ADAM19: variants seen among roughly 807,000 people sequenced by gnomAD.
ADAM19 encodes disintegrin and metalloproteinase domain-containing protein 19.
A neutral mutation model predicts 114.7 loss-of-function variants in ADAM19; 65 were observed. That is an observed-to-expected ratio of 0.57 (90% CI 0.46 to 0.70). The LOEUF (loss-of-function observed/expected upper bound fraction) is 0.70, where lower values mean the gene tolerates loss of function less well. Ranked by LOEUF, ADAM19 falls within the 30% of genes least tolerant of loss-of-function variation. ADAM19 has a pLI of 0.00. For missense variants in ADAM19, 1,063 were observed against 1,204.7 expected (o/e 0.88, Z 1.74); for synonymous variants, 466 against 460.5 (o/e 1.01, Z -0.15).
chr5:157,525,131 G>T (rs1248442808), intron 5 of ADAM19, among the ~76,000 whole-genome samples: 1 of 152,188 alleles, frequency 6.6e-6, no homozygotes, highest in Admixed American at 6.5e-5. Context: ...GCTTGGCAGG[G>T]TTTAAACCAG....
Position 157,488,363 on chromosome 5 carries a change from A to G in ADAM19, c.2452T>C (p.Ser818Pro). 1.9e-6 allele frequency: 3 copies of G among 1,614,150 alleles called. No individual in the cohort carries two copies. Among genetic ancestry groups the G allele is most frequent in the Non-Finnish European group, 1.7e-6 (2 of 1,180,008 alleles). Residue 818 changes from serine to proline, a missense_variant, in exon 21 of 23, where the codon TCC becomes CCC. Physicochemically the swap from Ser to Pro is moderately conservative, Grantham distance 74. Coordinates refer to ENST00000257527, the MANE Select transcript of ADAM19 (RefSeq NM_033274.5). Reference protein sequence around the residue: ...PAHLSRAARNSPGPGSQIERT... With the variant: ...PAHLSRAARNPPGPGSQIERT... ...TCTATTTGAGACCCGGGCCCTGGGG[A>G]GTTCCTAGCAGCCCTGCTCAGGTGA...
intron 12 of ADAM19, among the ~76,000 whole-genome samples, chr5:157,502,208 G>C (rs936791914): frequency 2.6e-5 from 4 of 152,274 alleles, no homozygotes; most frequent in Middle Eastern, 3.4e-3. Context: ...ATCCAGTTCT[G>C]CTTTCTGCAG....
rs374925196 is a variant in ADAM19 at position 157,488,331 on chromosome 5, C to T, written c.2484G>A (p.Thr828=). 2.9e-5 allele frequency: 47 copies of T among 1,614,056 alleles called. No homozygotes were observed. The highest frequency in any genetic ancestry group is 1.3e-4 in the Admixed American group (8 of 60,000). The part of the protein sequence containing the change: ...SPGPGSQIER[T]ESSRRPPPSR... ...TTGGAGGAGGCCTCCTGGACGACTC[C>T]GTCCTCTCTATTTGAGACCCGGGCC... The change falls in exon 21 of 23, where the codon ACG becomes ACA. Residue 828 remains threonine (T), a synonymous_variant. Transcript: ENST00000257527.
chr5:157,488,952 C>A (rs1042318089), intron 20 of ADAM19, 150 bp downstream of exon 20: 176 of 621,132 alleles, frequency 2.8e-4, no homozygotes, highest in Non-Finnish European at 1.6e-4. Context: ...ATGGCGTGAA[C>A]CCTGGAGGCG....
chr5:157,506,643 T>C (rs1450669452), intron 10 of ADAM19, among the ~76,000 whole-genome samples: 5 of 152,162 alleles, frequency 3.3e-5, no homozygotes, highest in African/African-American at 1.2e-4. Flanking sequence ...GAAGTCAGAG[T>C]GAATTTCAAA....
At chr5:157,481,535 C>G (rs902558068) in intron 22 of ADAM19, 4 of 1,369,146 alleles carry the variant, frequency 2.9e-6, no homozygotes, top group Non-Finnish European at 3.9e-6. Flanking sequence ...TGCTCAGGGT[C>G]CCTCCCCAGG....
chr5:157,541,681 G>C (rs1225036737), intron 3 of ADAM19, among the ~76,000 whole-genome samples: 2 of 151,578 alleles, frequency 1.3e-5, no homozygotes, highest in African/African-American at 4.8e-5. Flanking sequence ...ACTGCAGCCT[G>C]AAAACAGCTC....
chr5:157,510,350 T>C (rs891782864), intron 8 of ADAM19, among the ~76,000 whole-genome samples: 1 of 152,186 alleles, frequency 6.6e-6, no homozygotes, highest in African/African-American at 2.4e-5. Flanking sequence ...GGCGCATGCC[T>C]GTAATCCCAG....
intron 3 of ADAM19, among the ~76,000 whole-genome samples, chr5:157,545,916 C>T (rs552077944): frequency 1.2e-4 from 19 of 152,340 alleles, no homozygotes; most frequent in African/African-American, 4.1e-4. Flanking sequence ...AGCTTGATTT[C>T]GTCACTATTT....
rs149873195 is a variant in ADAM19 at position 157,509,435 on chromosome 5, G to C, written c.771C>G (p.Leu257=). The change falls in exon 9 of 23, where the codon CTC becomes CTG. Residue 257 remains leucine (L), a synonymous_variant. Coordinates refer to ENST00000257527, the MANE Select transcript of ADAM19 (RefSeq NM_033274.5). ...CGTGGGTCCACACTTCCAAGCCCAC[G>C]AGAGCAATCCGGATGTTCAAGGATC... ...FYRSLNIRIA[L]VGLEVWTHGN... 3 of 1,609,118 alleles carry C rather than the reference G, an allele frequency of 1.9e-6. No individual in the cohort carries two copies. In the African/African-American group the frequency reaches 4.0e-5, roughly 22 times the overall value.
intron 13 of ADAM19, among the ~76,000 whole-genome samples, chr5:157,497,459 C>A (rs1487870685): frequency 6.6e-6 from 1 of 152,118 alleles, no homozygotes; most frequent in Non-Finnish European, 1.5e-5. Flanking sequence ...TCATGACAGT[C>A]CTGTGTGATA....
At chr5:157,507,759 C>T (rs1161620381) in intron 9 of ADAM19, among the ~76,000 whole-genome samples, 1 of 152,192 alleles carries the variant, frequency 6.6e-6, no homozygotes, top group African/African-American at 2.4e-5. Context: ...GGATCCTAAT[C>T]TGCCAGCAGC....
At chr5:157,521,426 T>G (rs1756283854) in intron 5 of ADAM19, among the ~76,000 whole-genome samples, 1 of 152,152 alleles carries the variant, frequency 6.6e-6, no homozygotes, top group South Asian at 2.1e-4. Flanking sequence ...CACTGTAAAT[T>G]GGCAGGACCT....
In ADAM19 at chr5:157,478,942, T is replaced by A. The variant is rs1754671255; in HGVS notation, c.*2007A>T. The stretch of plus-strand genomic sequence containing the variant: ...AAAGGCTGGAGAAGCCACAGGAAGC[T>A]CTGTGAGGCATGGGGTTGGGTTTTG... On this transcript the variant is annotated 3_prime_UTR_variant, in exon 23 of 23. Coordinates refer to ENST00000257527, the MANE Select transcript of ADAM19 (RefSeq NM_033274.5). 1 of 985,454 alleles carries A rather than the reference T, an allele frequency of 1.0e-6. No homozygotes were observed. Among genetic ancestry groups the A allele is most frequent in the Non-Finnish European group, 1.2e-6 (1 of 829,946 alleles). 61.0% of individuals were successfully genotyped at this position (985,454 alleles called of 1,614,324 possible).
chr5:157,571,740 T>C (rs1036029339), intron 1 of ADAM19, among the ~76,000 whole-genome samples: 2 of 152,064 alleles, frequency 1.3e-5, no homozygotes, highest in South Asian at 4.2e-4. Context: ...TGGTGAGAGA[T>C]GATGGTGGCT....
intron 3 of ADAM19, among the ~76,000 whole-genome samples, chr5:157,550,991 C>G (rs564629481): frequency 3.2e-4 from 49 of 152,228 alleles, no homozygotes; most frequent in African/African-American, 1.2e-3. Context: ...CACACAGCCA[C>G]GAAAATGATA....
intron 13 of ADAM19, 70 bp downstream of exon 13, chr5:157,499,503 C>T (rs774723078): frequency 2.7e-5 from 37 of 1,366,032 alleles, no homozygotes; most frequent in Non-Finnish European, 3.4e-5. Flanking sequence ...CAGCCATCCA[C>T]CCCAGCAGAG....
At chr5:157,513,235 A>T (rs993629399) in intron 8 of ADAM19, among the ~76,000 whole-genome samples, 199 bp downstream of exon 8, 5 of 152,218 alleles carry the variant, frequency 3.3e-5, no homozygotes, top group Non-Finnish European at 7.3e-5. Context: ...AGAAAAAAAA[A>T]TGCAACACAA....
intron 4 of ADAM19, among the ~76,000 whole-genome samples, chr5:157,535,943 G>A (rs755374468): frequency 1.4e-4 from 21 of 152,166 alleles, no homozygotes; most frequent in Non-Finnish European, 2.2e-4. Flanking sequence ...TCCCACCCCT[G>A]CCCCTGGAGG....
Sources: gnomAD v4.1 joint callset for allele counts (sites outside exome capture counted in the v4.1 genomes callset) on GRCh38, gnomAD v4.1.1 for gene constraint, MANE v1.5 for transcripts, NCBI Gene and HGNC (gene_info 2026-07-23, HGNC 2026-07-21) for gene names.